Variants in ARSG observed in about 807,000 individuals in gnomAD.
The protein encoded by ARSG is ASG.
Under a neutral mutation model 50.5 loss-of-function variants are expected in ARSG, and 37 were observed. That is an observed-to-expected ratio of 0.73 (90% CI 0.56 to 0.96). The LOEUF is 0.96. Ranked by LOEUF, ARSG falls within the 50% of genes least tolerant of loss-of-function variation. ARSG has a pLI of 0.00. For synonymous variants in ARSG, 225 were observed against 254.6 expected (o/e 0.88, Z 1.11); for missense variants, 629 against 675.3 (o/e 0.93, Z 0.76).
At chr17:68,370,782 A>G (rs984083796) in intron 8 of ARSG, among the ~76,000 whole-genome samples, 3 of 151,826 alleles carry the variant, frequency 2.0e-5, no homozygotes, top group African/African-American at 7.3e-5. Context: ...CCAGCCCTCC[A>G]CCCAACGAGC....
At chr17:68,372,785 C>T (rs534936139) in intron 8 of ARSG, among the ~76,000 whole-genome samples, 9 of 152,134 alleles carry the variant, frequency 5.9e-5, no homozygotes, top group African/African-American at 1.9e-4. Context: ...CACTAGCACT[C>T]CCGTCATCGT....
intron 5 of ARSG, among the ~76,000 whole-genome samples, chr17:68,352,096 AGAG>A: frequency 7.8e-6 from 1 of 128,426 alleles, no homozygotes; most frequent in East Asian, 2.1e-4. Context: ...GAGGAGAGAG[AGAG>A]AGAGAGAGAG....
rs528078110 is a variant in ARSG, at chr17:68,326,393, G to A, written c.219-17211G>A. Among the ~76,000 whole-genome samples the A allele has an allele frequency of 2.8e-3, 424 of 152,304 alleles. 2 individuals carry two copies. Among genetic ancestry groups the A allele is most frequent in the Admixed American group, 5.0e-3 (76 of 15,302 alleles). ...TCTAGAAAAAACAACTCAGCCTGGCGCGGTGGCTCACACCTGTAATTCCAG... is the reference window on the plus strand; with the variant it reads ...TCTAGAAAAAACAACTCAGCCTGGCACGGTGGCTCACACCTGTAATTCCAG... On this transcript the variant is annotated intron_variant, in intron 2 of 11. Transcript: ENST00000621439.
intron 1 of ARSG, chr17:68,267,917 C>A (rs2075206210): frequency 6.6e-6 from 1 of 152,208 alleles, no homozygotes; most frequent in Admixed American, 6.5e-5. Flanking sequence ...AGAAATGCTT[C>A]AATAATTAGA....
chr17:68,356,607 T>G, intron 5 of ARSG, 60 bp from the exon 6 acceptor site: 1 of 1,594,970 alleles, frequency 6.3e-7, no homozygotes, highest in Non-Finnish European at 8.6e-7. Context: ...TTAAAGCATT[T>G]AGTTCTGCTC....
At chr17:68,294,186 C>T (rs2145310146) in intron 1 of ARSG, among the ~76,000 whole-genome samples, 1 of 152,250 alleles carries the variant, frequency 6.6e-6, no homozygotes, top group South Asian at 2.1e-4. Context: ...TCTCGGCTTT[C>T]CTTTACAGTG....
At chr17:68,276,613 C>G (rs2075531000) in intron 1 of ARSG, among the ~76,000 whole-genome samples, 1 of 151,716 alleles carries the variant, frequency 6.6e-6, no homozygotes, top group African/African-American at 2.4e-5. Flanking sequence ...CATGCCCGGC[C>G]AATTTTTTAT....
At chr17:68,293,354 A>G (rs1555756985) in intron 1 of ARSG, among the ~76,000 whole-genome samples, 1 of 152,236 alleles carries the variant, frequency 6.6e-6, no homozygotes, top group Non-Finnish European at 1.5e-5. Context: ...AGCAAGTCAC[A>G]TAAAATCTCT....
At chr17:68,426,298 C>T, downstream of ARSG, 1 of 760,218 alleles carries the variant, frequency 1.3e-6, no homozygotes. Context: ...TCTGTCTTCC[C>T]CCTGGAGGTA....
At chr17:68,264,907 A>C (rs1459328264) in intron 1 of ARSG, among the ~76,000 whole-genome samples, 1 of 151,296 alleles carries the variant, frequency 6.6e-6, no homozygotes, top group East Asian at 2.0e-4. Flanking sequence ...TAATCCCAAC[A>C]CTTTGGGAGG....
intron 1 of ARSG, among the ~76,000 whole-genome samples, chr17:68,264,617 A>C (rs2075123363): frequency 6.6e-6 from 1 of 151,850 alleles, no homozygotes; most frequent in South Asian, 2.1e-4. Flanking sequence ...TTGTATTTTT[A>C]GTAGAGATGG....
At chr17:68,315,385 A>G (rs555404587) in intron 2 of ARSG, among the ~76,000 whole-genome samples, 22 of 152,222 alleles carry the variant, frequency 1.4e-4, no homozygotes, top group Middle Eastern at 3.4e-3. Flanking sequence ...CTACAAAAAA[A>G]TCAATAAATT....
chr17:68,379,791 G>C, intron 8 of ARSG: 1 of 984,662 alleles, frequency 1.0e-6, no homozygotes, highest in Non-Finnish European at 1.2e-6. Context: ...AAAAACACTA[G>C]GCATGCCCAA....
intron 10 of ARSG, among the ~76,000 whole-genome samples, chr17:68,397,238 C>T (rs1044134419): frequency 3.9e-5 from 6 of 152,120 alleles, no homozygotes; most frequent in Non-Finnish European, 7.4e-5. Flanking sequence ...AGCATCGTCA[C>T]GGGGAGGTAT....
Position 68,420,608 on chromosome 17 carries a change from T to G in ARSG, c.*145T>G, listed in dbSNP as rs563224327. ...GAGTTAGCCTTGCATATCCCTTCTG[T>G]ATCCTGTCCCTCCTCCACGCCGACC... On this transcript the variant is annotated 3_prime_UTR_variant, in exon 12 of 12. Coordinates refer to ENST00000621439, the MANE Select transcript of ARSG (RefSeq NM_001267727.2). The G allele has an allele frequency of 1.0e-6, 1 of 965,518 alleles. No individual in the cohort carries two copies. The highest frequency in any genetic ancestry group is 1.6e-5 in the African/African-American group (1 of 61,194). The allele number at this position is 965,518 out of a possible 1,614,324, so 59.8% of individuals were successfully genotyped here. A position where few individuals can be genotyped will look rare whatever the true frequency, so the allele number is the denominator to read the frequency against.
chr17:68,426,245 GGA>G (rs1200947255), downstream of ARSG: 248 of 948,234 alleles, frequency 2.6e-4, 8 homozygotes, highest in African/African-American at 3.0e-3. Flanking sequence ...TGGCGGGTGG[GGA>G]GCGGGGGCTC....
intron 2 of ARSG, among the ~76,000 whole-genome samples, chr17:68,319,049 C>T (rs2077178393): frequency 6.6e-6 from 1 of 152,202 alleles, no homozygotes; most frequent in African/African-American, 2.4e-5. Context: ...GGTTGGCAGT[C>T]ACACTGCAGG....
intron 4 of ARSG, among the ~76,000 whole-genome samples, chr17:68,349,411 G>A (rs1698593130): frequency 1.3e-5 from 2 of 152,180 alleles, no homozygotes; most frequent in African/African-American, 4.8e-5. Flanking sequence ...GAGATCATCT[G>A]ACCCACAAAA....
rs551974627 is a variant in ARSG at position 68,403,856 on chromosome 17, C to G, written c.1303+2406C>G. ...TATATCTCCTAATGCTTTCCCTCCC[C>G]CCTCACCCCACCCCACGACAGGCCC... On this transcript the variant is annotated intron_variant, in intron 11 of 11. Coordinates refer to ENST00000621439, the MANE Select transcript of ARSG (RefSeq NM_001267727.2). Among the ~76,000 whole-genome samples, 17 of 152,224 alleles carry G rather than the reference C, an allele frequency of 1.1e-4. No homozygotes were observed. The East Asian group carries it at 2.3e-3, about 21-fold the overall frequency.
Sources: gnomAD v4.1 joint callset for allele counts (sites outside exome capture counted in the v4.1 genomes callset) on GRCh38, gnomAD v4.1.1 for gene constraint, MANE v1.5 for transcripts, NCBI Gene and HGNC (gene_info 2026-07-23, HGNC 2026-07-21) for gene names.